PCDH15: variants seen among roughly 807,000 people sequenced by gnomAD.
PCDH15 encodes the protein protocadherin related 15.
In PCDH15, 129 loss-of-function variants were observed where a neutral mutation model predicts 178.5. The ratio of observed to expected loss-of-function variants is 0.72; its 90% CI spans 0.63 to 0.84. PCDH15 has a LOEUF of 0.84. Ranked by LOEUF, PCDH15 falls within the 40% of genes least tolerant of loss-of-function variation. The pLI, the probability that PCDH15 is intolerant of heterozygous loss-of-function variation, is 0.00. For missense variants in PCDH15, 2,230 were observed against 2,099.9 expected (o/e 1.06, Z -1.21); for synonymous variants, 800 against 732.0 (o/e 1.09, Z -1.50).
chr10:54,889,385 G>A (rs1954419131), intron 3 of PCDH15, among the ~76,000 whole-genome samples: 1 of 151,182 alleles, frequency 6.6e-6, no homozygotes, highest in Non-Finnish European at 1.5e-5. Context: ...TAATGACAAG[G>A]AAATTAAAAA....
Position 54,213,929 on chromosome 10 carries a change from A to C in PCDH15, c.1098+7T>G. The C allele has an allele frequency of 6.6e-7, 1 of 1,516,388 alleles. No individual in the cohort carries two copies. The highest frequency in any genetic ancestry group is 9.2e-7 in the Non-Finnish European group (1 of 1,092,066). 93.9% of individuals were successfully genotyped at this position (1,516,388 alleles called of 1,614,324 possible). A position where few individuals can be genotyped will look rare whatever the true frequency, so the allele number is the denominator to read the frequency against. ...ACACAAGGAAATAAGATATTAGCTT[A>C]ATTTACCTTAATAACCAAATCAAAT... On this transcript the variant is annotated splice_region_variant and intron_variant, in intron 10 of 37. Coordinates refer to ENST00000644397, the MANE Select transcript of PCDH15 (RefSeq NM_001384140.1).
intron 2 of PCDH15, among the ~76,000 whole-genome samples, chr10:54,632,722 C>G (rs1156884331): frequency 2.0e-5 from 3 of 152,170 alleles, no homozygotes; most frequent in Middle Eastern, 3.4e-3. Flanking sequence ...AACATAAGCA[C>G]CTGCACCTGC....
chr10:54,330,684 A>G (rs562010476), intron 6 of PCDH15, among the ~76,000 whole-genome samples: 1 of 152,060 alleles, frequency 6.6e-6, no homozygotes, highest in South Asian at 2.1e-4. Flanking sequence ...CATAAGGGCA[A>G]CACTAGTGCT....
chr10:54,893,761 T>C (rs1954503938), intron 3 of PCDH15, among the ~76,000 whole-genome samples: 2 of 152,214 alleles, frequency 1.3e-5, no homozygotes, highest in Admixed American at 1.3e-4. Context: ...TTATGACAGA[T>C]AAAACTGTTA....
chr10:53,979,428 AT>A (rs145519922), intron 21 of PCDH15, among the ~76,000 whole-genome samples: 1 of 152,336 alleles, frequency 6.6e-6, no homozygotes, highest in Non-Finnish European at 1.5e-5. Flanking sequence ...CGTGAAGATT[AT>A]GGGAACTACG....
At chr10:54,918,987 G>A (rs555453152) in intron 2 of PCDH15, among the ~76,000 whole-genome samples, 188 of 152,160 alleles carry the variant, frequency 1.2e-3, no homozygotes, top group African/African-American at 3.8e-3. Flanking sequence ...ATCATATTGC[G>A]TATCACTCAT....
chr10:54,573,107 T>C (rs1035661362), intron 2 of PCDH15, among the ~76,000 whole-genome samples: 2 of 152,154 alleles, frequency 1.3e-5, no homozygotes, highest in African/African-American at 4.8e-5. Flanking sequence ...AGTTTACATA[T>C]CAATTTATAC....
intron 3 of PCDH15, among the ~76,000 whole-genome samples, chr10:54,870,642 C>T (rs1191379619): frequency 6.6e-6 from 1 of 151,724 alleles, no homozygotes; most frequent in African/African-American, 2.4e-5. Flanking sequence ...AAAAATTAGC[C>T]GGGCGTGGTG....
chr10:55,199,034 G>C (rs1162213938), intron 1 of PCDH15, among the ~76,000 whole-genome samples: 1 of 152,094 alleles, frequency 6.6e-6, no homozygotes, highest in East Asian at 1.9e-4. Context: ...TTGGTACTAG[G>C]AGTGGGGCAT....
chr10:54,705,681 G>T (rs2095358673), intron 1 of PCDH15, among the ~76,000 whole-genome samples: 1 of 152,058 alleles, frequency 6.6e-6, no homozygotes, highest in African/African-American at 2.4e-5. Flanking sequence ...ACAGTGATTT[G>T]ACTATAATAG....
chr10:55,396,002 A>T (rs1435936097), intron 2 of PCDH15, among the ~76,000 whole-genome samples: 1 of 152,206 alleles, frequency 6.6e-6, no homozygotes, highest in Non-Finnish European at 1.5e-5. Context: ...AATGCTATAT[A>T]AGCTAGCATA....
At chr10:53,939,626 T>G in intron 24 of PCDH15, among the ~76,000 whole-genome samples, 1 of 152,094 alleles carries the variant, frequency 6.6e-6, no homozygotes, top group East Asian at 1.9e-4. Flanking sequence ...TTTAATAATT[T>G]TTATTATTAA....
At chr10:54,074,933 T>A (rs1431366757) in intron 17 of PCDH15, among the ~76,000 whole-genome samples, 1 of 152,204 alleles carries the variant, frequency 6.6e-6, no homozygotes, top group Non-Finnish European at 1.5e-5. Context: ...AGGTGGCACC[T>A]CATTGTGGCC....
intron 2 of PCDH15, among the ~76,000 whole-genome samples, chr10:55,621,893 T>G (rs893286349): frequency 1.3e-5 from 2 of 150,456 alleles, no homozygotes; most frequent in Non-Finnish European, 3.0e-5. Context: ...CATGATTTTC[T>G]GATTTGAAGA....
chr10:54,016,917 C>G (rs1795099707), intron 20 of PCDH15, among the ~76,000 whole-genome samples: 1 of 152,172 alleles, frequency 6.6e-6, no homozygotes, highest in Non-Finnish European at 1.5e-5. Context: ...TTGGAAATTA[C>G]TCAGAATCAT....
intron 3 of PCDH15, among the ~76,000 whole-genome samples, chr10:54,465,589 T>C (rs543022098): frequency 9.1e-4 from 138 of 152,182 alleles, no homozygotes; most frequent in African/African-American, 3.2e-3. Context: ...TTTTTATGGC[T>C]GAATAGTTTT....
At chr10:54,582,405 T>A (rs964626270) in intron 2 of PCDH15, among the ~76,000 whole-genome samples, 1 of 152,070 alleles carries the variant, frequency 6.6e-6, no homozygotes, top group East Asian at 1.9e-4. Flanking sequence ...AATTTACAGC[T>A]TCAGTAACAC....
At chr10:53,840,210 A>G in intron 29 of PCDH15, 110 bp downstream of exon 29, 1 of 1,305,892 alleles carries the variant, frequency 7.7e-7, no homozygotes, top group South Asian at 1.2e-5. Context: ...CTTCACTTTC[A>G]GTAACTATTT....
chr10:54,485,232 C>T (rs746336059), intron 3 of PCDH15, among the ~76,000 whole-genome samples: 18 of 151,726 alleles, frequency 1.2e-4, no homozygotes, highest in Non-Finnish European at 2.2e-4. Context: ...AAAAAATCTC[C>T]GACTTTCTAT....
Sources: allele counts gnomAD v4.1 joint callset (sites outside exome capture counted in the v4.1 genomes callset), GRCh38; gene constraint gnomAD v4.1.1; transcripts MANE v1.5; gene names NCBI Gene and HGNC (gene_info 2026-07-23, HGNC 2026-07-21).